The following TENM3 variants were observed in gnomAD, a reference collection of about 807,000 sequenced individuals.
The protein encoded by TENM3 is teneurin-3.
Under a neutral mutation model 255.1 loss-of-function variants are expected in TENM3, and 63 were observed. The observed-to-expected ratio is 0.25, with a 90% confidence interval of 0.20 to 0.30. TENM3 has a LOEUF of 0.30. Among genes scored for constraint, TENM3 ranks in the 10% least tolerant of loss-of-function variants. TENM3 has a pLI of 1.00. For missense variants in TENM3, 2,929 were observed against 3,461.1 expected (o/e 0.85, Z 3.86); for synonymous variants, 1,306 against 1,322.3 (o/e 0.99, Z 0.27).
At chr4:182,264,964 AT>A (rs551169731) in intron 1 of TENM3, among the ~76,000 whole-genome samples, 16 of 145,010 alleles carry the variant, frequency 1.1e-4, no homozygotes, top group Middle Eastern at 3.6e-3. Flanking sequence ...ATTTTTCTCC[AT>A]TTTTTTTTTG....
chr4:182,458,836 G>A (rs1463764522), intron 3 of TENM3, among the ~76,000 whole-genome samples: 1 of 152,156 alleles, frequency 6.6e-6, no homozygotes, highest in African/African-American at 2.4e-5. Flanking sequence ...GAAAAAAGGA[G>A]TGTGCTTACT....
At chr4:181,948,066 C>G in the TENM3 span, among the ~76,000 whole-genome samples, 1 of 152,176 alleles carries the variant, frequency 6.6e-6, no homozygotes, top group South Asian at 2.1e-4. Context: ...GAAAAGCGAG[C>G]ACTCACTCTC....
chr4:182,349,430 A>C lies in TENM3; in HGVS notation c.511+2501A>C, dbSNP rs138355022. ...CTTAGAAGGAACAAGATTTCATTTAATGTAATTAATTACATTAAGATATAG... is the reference window on the plus strand; with the variant it reads ...CTTAGAAGGAACAAGATTTCATTTACTGTAATTAATTACATTAAGATATAG... On this transcript the variant is annotated intron_variant, in intron 3 of 27. Transcript: ENST00000511685. Among the ~76,000 whole-genome samples the C allele has an allele frequency of 3.9e-4, 59 of 152,304 alleles. No individual in the cohort carries two copies. The East Asian group carries it at 0.01, about 27-fold the overall frequency.
chr4:181,762,249 G>A, the TENM3 span, among the ~76,000 whole-genome samples: 3 of 152,294 alleles, frequency 2.0e-5, no homozygotes, highest in East Asian at 5.8e-4. Context: ...GGTAGCAGTA[G>A]AATGAGACTC....
the TENM3 span, among the ~76,000 whole-genome samples, chr4:182,038,483 G>C: frequency 2.0e-5 from 3 of 152,122 alleles, no homozygotes; most frequent in Non-Finnish European, 1.5e-5. Flanking sequence ...GACCATTTAA[G>C]TGTCTTGCTC....
chr4:182,758,710 A>G (rs1017765517), intron 22 of TENM3, among the ~76,000 whole-genome samples: 1 of 152,182 alleles, frequency 6.6e-6, no homozygotes, highest in African/African-American at 2.4e-5. Flanking sequence ...GGCAGCCTGT[A>G]AGTTCACAAA....
the TENM3 span, among the ~76,000 whole-genome samples, chr4:181,935,981 A>T: frequency 6.6e-6 from 1 of 152,168 alleles, no homozygotes; most frequent in Non-Finnish European, 1.5e-5. Flanking sequence ...CCTTGTTCAT[A>T]TCCAAGCTAT....
chr4:182,098,476 A>G, the TENM3 span, among the ~76,000 whole-genome samples: 1 of 152,252 alleles, frequency 6.6e-6, no homozygotes, highest in African/African-American at 2.4e-5. Context: ...AATAGGGTAC[A>G]TATACACAAT....
the TENM3 span, among the ~76,000 whole-genome samples, chr4:181,605,570 G>GA: frequency 1.6e-4 from 4 of 24,788 alleles, 1 homozygote; most frequent in Non-Finnish European, 2.1e-4. Flanking sequence ...AAGAAAGAAA[G>GA]AGAGAGAAAG....
chr4:182,643,397 G>A (rs1752482898), intron 5 of TENM3, among the ~76,000 whole-genome samples: 1 of 152,174 alleles, frequency 6.6e-6, no homozygotes, highest in Admixed American at 6.5e-5. Flanking sequence ...ATTCTAATGT[G>A]TTGACATCTT....
intron 1 of TENM3, among the ~76,000 whole-genome samples, chr4:182,246,264 G>A (rs1757635629): frequency 6.6e-6 from 1 of 152,146 alleles, no homozygotes; most frequent in South Asian, 2.1e-4. Context: ...CATAGGGGAA[G>A]AAAGAATTTT....
At chr4:182,402,173 A>G (rs1769253863) in intron 3 of TENM3, among the ~76,000 whole-genome samples, 1 of 152,200 alleles carries the variant, frequency 6.6e-6, no homozygotes, top group South Asian at 2.1e-4. Flanking sequence ...CTCTTTCTGA[A>G]TTCAATACCT....
At chr4:182,289,999 G>A (rs953269600) in intron 1 of TENM3, among the ~76,000 whole-genome samples, 2 of 151,942 alleles carry the variant, frequency 1.3e-5, no homozygotes, top group Admixed American at 1.3e-4. Context: ...AGTCACTCCC[G>A]CTCGTGCCCT....
chr4:181,660,357 A>G, the TENM3 span, among the ~76,000 whole-genome samples: 1 of 152,110 alleles, frequency 6.6e-6, no homozygotes, highest in Non-Finnish European at 1.5e-5. Flanking sequence ...TGCTCTATTG[A>G]CGGCATTACT....
At position 182,800,861 on chromosome 4, in the gene TENM3, A is replaced by G. The variant is rs1005539857; in HGVS notation, c.*510A>G. On this transcript the variant is annotated 3_prime_UTR_variant, in exon 28 of 28. Transcript: ENST00000511685. ...TCCCTGTGCAGCTTTGTAGAAGGACATTGGCACAGTGACTTCTGCGGCGGG... is the reference window on the plus strand; with the variant it reads ...TCCCTGTGCAGCTTTGTAGAAGGACGTTGGCACAGTGACTTCTGCGGCGGG... 6.5e-6 allele frequency: 1 copy of G among 152,858 alleles called. No individual in the cohort carries two copies. The highest frequency in any genetic ancestry group is 1.5e-5 in the Non-Finnish European group (1 of 68,182). 9.5% of individuals were successfully genotyped at this position (152,858 alleles called of 1,614,324 possible). A position where few individuals can be genotyped will look rare whatever the true frequency, so the allele number is the denominator to read the frequency against.
In TENM3 at chr4:182,571,900, ATTG is replaced by A. The variant is rs538133137; in HGVS notation, c.512-29009_512-29007del. On this transcript the variant is annotated intron_variant, in intron 3 of 27. Transcript: ENST00000511685. ...GCAATTAGGAATGATAAAACTGTTT[ATTG>A]TTGTTGTTGTTGTTTTGAGACAGAG... is the stretch of plus-strand genomic sequence containing the variant. 5.6e-3 allele frequency among the ~76,000 whole-genome samples: 856 copies of A among 152,078 alleles called. 8 individuals carry two copies. The highest frequency in any genetic ancestry group is 0.01 in the Middle Eastern group (3 of 290).
the TENM3 span, among the ~76,000 whole-genome samples, chr4:181,839,646 A>C: frequency 1.3e-5 from 2 of 150,940 alleles, no homozygotes; most frequent in Non-Finnish European, 3.0e-5. Flanking sequence ...AAAAAAATCG[A>C]ATTTTAGATC....
chr4:182,489,423 G>T (rs1735062798), intron 3 of TENM3, among the ~76,000 whole-genome samples: 1 of 152,128 alleles, frequency 6.6e-6, no homozygotes, highest in Admixed American at 6.5e-5. Context: ...TAGGAACAGT[G>T]AAATAACCTT....
the TENM3 span, among the ~76,000 whole-genome samples, chr4:181,451,872 A>T: frequency 2.0e-5 from 3 of 152,218 alleles, no homozygotes; most frequent in Non-Finnish European, 4.4e-5. Flanking sequence ...AATTGAAGCC[A>T]GAATAGTGAA....
Sources: gnomAD v4.1 joint callset for allele counts (sites outside exome capture counted in the v4.1 genomes callset) on GRCh38, gnomAD v4.1.1 for gene constraint, MANE v1.5 for transcripts, NCBI Gene and HGNC (gene_info 2026-07-23, HGNC 2026-07-21) for gene names.